LCORL: variants seen among roughly 807,000 people sequenced by gnomAD.
The protein encoded by LCORL is ligand-dependent nuclear receptor corepressor-like protein.
A neutral mutation model predicts 141.8 loss-of-function variants in LCORL; 41 were observed. That is an observed-to-expected ratio of 0.29 (90% CI 0.23 to 0.38). The LOEUF is 0.38. Among genes scored for constraint, LCORL ranks in the 10% least tolerant of loss-of-function variants. LCORL has a pLI of 1.00. For synonymous variants in LCORL, 618 were observed against 694.1 expected (o/e 0.89, Z 1.72); for missense variants, 1,759 against 2,035.0 (o/e 0.86, Z 2.61).
intron 5 of LCORL, chr4:17,893,224 T>G (rs988402002): frequency 3.5e-6 from 1 of 289,238 alleles, no homozygotes; most frequent in Non-Finnish European, 5.2e-6. Flanking sequence ...TCAACAGCAT[T>G]ATACATTCTT....
intron 1 of LCORL, among the ~76,000 whole-genome samples, chr4:18,012,380 G>A (rs920468592): frequency 2.0e-5 from 3 of 152,138 alleles, no homozygotes; most frequent in African/African-American, 7.2e-5. Context: ...TCAGGCAGTA[G>A]GGCAATCTAA....
chr4:17,941,102 C>T (rs1737870858), intron 4 of LCORL, among the ~76,000 whole-genome samples: 3 of 152,098 alleles, frequency 2.0e-5, no homozygotes, highest in East Asian at 1.9e-4. Flanking sequence ...CAGGGCCGGG[C>T]GCTGTGGCTC....
chr4:17,857,886 G>C (rs1037690544), intron 7 of LCORL, among the ~76,000 whole-genome samples: 3 of 152,154 alleles, frequency 2.0e-5, no homozygotes, highest in Non-Finnish European at 2.9e-5. Flanking sequence ...CAGTGTCCCA[G>C]AACAGAGCCC....
chr4:17,980,259 G>C (rs1717721851), intron 1 of LCORL, among the ~76,000 whole-genome samples: 1 of 152,200 alleles, frequency 6.6e-6, no homozygotes, highest in African/African-American at 2.4e-5. Flanking sequence ...AGATCTACTA[G>C]AGGGCTGGTC....
intron 4 of LCORL, among the ~76,000 whole-genome samples, chr4:17,943,256 T>G (rs1738268377): frequency 6.6e-6 from 1 of 152,138 alleles, no homozygotes; most frequent in Non-Finnish European, 1.5e-5. Flanking sequence ...ACACTAAACC[T>G]TACTCAACTA....
intron 4 of LCORL, among the ~76,000 whole-genome samples, chr4:17,919,266 C>T (rs1021683310): frequency 6.6e-6 from 1 of 152,004 alleles, no homozygotes; most frequent in African/African-American, 2.4e-5. Context: ...CAAAAATTTA[C>T]CCCAAAGAGA....
At chr4:17,883,604 A>G (rs2109213723) in intron 6 of LCORL, 1 of 1,373,984 alleles carries the variant, frequency 7.3e-7, no homozygotes, top group Middle Eastern at 2.7e-4. Flanking sequence ...TGTCAGAGTG[A>G]GCATTTGTAA....
chr4:17,971,987 T>A (rs958869504), intron 2 of LCORL, among the ~76,000 whole-genome samples: 10 of 151,856 alleles, frequency 6.6e-5, no homozygotes, highest in South Asian at 6.2e-4. Flanking sequence ...GTTAAAAAAA[T>A]TTTTTTAATT....
intron 4 of LCORL, among the ~76,000 whole-genome samples, chr4:17,931,882 G>C (rs544601847): frequency 6.6e-6 from 1 of 151,952 alleles, no homozygotes; most frequent in Non-Finnish European, 1.5e-5. Flanking sequence ...ACATATCTTG[G>C]ACTAAAAGTG....
chr4:17,978,395 G>C (rs2109703583), intron 1 of LCORL, among the ~76,000 whole-genome samples: 1 of 152,170 alleles, frequency 6.6e-6, no homozygotes, highest in South Asian at 2.1e-4. Context: ...CCAAGAGTTT[G>C]AGACTAGCAT....
At chr4:17,847,404 T>A (rs1304458927) in intron 7 of LCORL, among the ~76,000 whole-genome samples, 4 of 152,170 alleles carry the variant, frequency 2.6e-5, no homozygotes, top group African/African-American at 9.7e-5. Flanking sequence ...TGCCATTCAA[T>A]AAGCTAAATC....
intron 4 of LCORL, among the ~76,000 whole-genome samples, chr4:17,942,872 C>CG (rs1738196967): frequency 7.1e-6 from 1 of 139,884 alleles, no homozygotes; most frequent in African/African-American, 3.0e-5. Flanking sequence ...TGAGCATTAC[C>CG]GCCTGAGTTT....
At chr4:17,875,495 G>A in exon 7 of LCORL, 1 of 1,230,704 alleles carries the variant, frequency 8.1e-7, no homozygotes, top group Non-Finnish European at 1.0e-6. Context: ...AAGACATAAG[G>A]TTGCTTATGT....
Position 17,925,396 on chromosome 4 carries a change from C to T in LCORL, c.431-16051G>A, listed in dbSNP as rs1312132403. 3.9e-5 allele frequency among the ~76,000 whole-genome samples: 6 copies of T among 152,270 alleles called. No homozygotes were observed. In the East Asian group the frequency reaches 1.2e-3, roughly 29 times the overall value. On this transcript the variant is annotated intron_variant, in intron 4 of 7. Transcript: ENST00000635767. ...GGCAGGATTACAAATGGCCCAGACC[C>T]TTTGGGAATGAAGCCTTAGGTCACT...
At chr4:18,005,508 C>G (rs1234565040) in intron 1 of LCORL, among the ~76,000 whole-genome samples, 2 of 152,244 alleles carry the variant, frequency 1.3e-5, no homozygotes, top group Non-Finnish European at 2.9e-5. Flanking sequence ...TCCAACCCCA[C>G]ATTTCCCTTG....
intron 1 of LCORL, among the ~76,000 whole-genome samples, chr4:18,015,713 A>C (rs1325942707): frequency 1.3e-5 from 2 of 151,986 alleles, no homozygotes. Context: ...TTTACATGGC[A>C]ACAGTGACAA....
At chr4:17,893,887 C>T (rs1442823421) in intron 5 of LCORL, among the ~76,000 whole-genome samples, 1 of 152,186 alleles carries the variant, frequency 6.6e-6, no homozygotes, top group African/African-American at 2.4e-5. Flanking sequence ...CAACCTCTGC[C>T]TCCTGGGTTC....
At chr4:17,929,498 A>G (rs116620660) in intron 4 of LCORL, among the ~76,000 whole-genome samples, 11 of 152,330 alleles carry the variant, frequency 7.2e-5, no homozygotes, top group Non-Finnish European at 1.6e-4. Context: ...GATGAGTACT[A>G]AAACAATTCA....
chr4:17,903,951 C>G (rs192326619), intron 5 of LCORL, among the ~76,000 whole-genome samples: 3 of 151,698 alleles, frequency 2.0e-5, no homozygotes, highest in Non-Finnish European at 4.4e-5. Context: ...AAAAACAAAA[C>G]AAGATGGAAG....
Sources: allele counts gnomAD v4.1 joint callset (sites outside exome capture counted in the v4.1 genomes callset), GRCh38; gene constraint gnomAD v4.1.1; transcripts MANE v1.5; gene names NCBI Gene and HGNC (gene_info 2026-07-23, HGNC 2026-07-21).